C4orf51: variants seen among roughly 807,000 people sequenced by gnomAD.
C4orf51 encodes chromosome 4 open reading frame 51.
Under a neutral mutation model 25.2 loss-of-function variants are expected in C4orf51, and 25 were observed. That is an observed-to-expected ratio of 0.99 (90% CI 0.72 to 1.39). The LOEUF is 1.39. Ranked by LOEUF, C4orf51 falls within the 40% of genes most tolerant of loss-of-function variation. C4orf51 has a pLI of 0.00. For synonymous variants in C4orf51, 100 were observed against 84.5 expected, an observed-to-expected ratio of 1.18 and a Z score of -1.01; for missense variants, 252 against 239.6, an observed-to-expected ratio of 1.05 and a Z score of -0.34.
At chr4:145,734,824 G>A (rs995400203), downstream of C4orf51, among the ~76,000 whole-genome samples, 1 of 152,324 alleles carries the variant, frequency 6.6e-6, no homozygotes, top group South Asian at 2.1e-4. Context: ...TCCCCAGATA[G>A]GCATGGTCAA....
chr4:145,723,114 C>A (rs551870137), intron 2 of C4orf51, among the ~76,000 whole-genome samples: 1 of 152,082 alleles, frequency 6.6e-6, no homozygotes, highest in Non-Finnish European at 1.5e-5. Flanking sequence ...CCTGCCCCTG[C>A]CCACCCACCT....
chr4:145,745,874 CA>C (rs1287925699), intron 1 of C4orf51, among the ~76,000 whole-genome samples: 1 of 151,772 alleles, frequency 6.6e-6, no homozygotes, highest in Admixed American at 6.6e-5. Flanking sequence ...TCTACATCCT[CA>C]CCAGCATTTG....
At chr4:145,777,280 G>A in the C4orf51 span, among the ~76,000 whole-genome samples, 1 of 152,138 alleles carries the variant, frequency 6.6e-6, no homozygotes, top group East Asian at 1.9e-4. Context: ...GTTAAGTTTT[G>A]TTATTAAGGT....
At chr4:145,742,819 C>T (rs1305327817) in intron 1 of C4orf51, among the ~76,000 whole-genome samples, 1 of 152,148 alleles carries the variant, frequency 6.6e-6, no homozygotes, top group African/African-American at 2.4e-5. Flanking sequence ...GGATTGTAGG[C>T]GTGAGCCACC....
intron 2 of C4orf51, among the ~76,000 whole-genome samples, chr4:145,705,223 C>G (rs1041588588): frequency 1.1e-4 from 17 of 152,214 alleles, no homozygotes; most frequent in African/African-American, 4.1e-4. Context: ...TGAGCCCATT[C>G]ATCAAACTCC....
intron 1 of C4orf51, chr4:145,760,700 G>T: frequency 9.9e-7 from 1 of 1,011,080 alleles, no homozygotes; most frequent in Non-Finnish European, 1.2e-6. Flanking sequence ...CACCTGCTGG[G>T]GTTGTGTTTA....
intron 1 of C4orf51, among the ~76,000 whole-genome samples, chr4:145,739,729 A>G (rs1410226975): frequency 6.6e-6 from 1 of 152,230 alleles, no homozygotes; most frequent in South Asian, 2.1e-4. Flanking sequence ...TAATATCCAC[A>G]CTAAAGTGTT....
intron 1 of C4orf51, among the ~76,000 whole-genome samples, chr4:145,741,085 A>T (rs974120841): frequency 1.3e-5 from 2 of 152,146 alleles, no homozygotes; most frequent in Admixed American, 1.3e-4. Context: ...TCAGAAAAGG[A>T]TAGTTTGTCA....
rs558191982 is a variant in C4orf51 at position 145,761,152 on chromosome 4, G to A, written n.167-9836G>A. ...CCCCGGGCCGGCCGGTTCCTTGGGG[G>A]CTGGACACAGGCCCTTCTTGTCCTC... On this transcript the variant is annotated intron_variant and non_coding_transcript_variant, in intron 1 of 1. Coordinates refer to the C4orf51 transcript ENST00000510096. The surrounding 1 kb of genome is among the most constrained non-coding windows in gnomAD (Gnocchi z 6.8). 63 of 1,289,726 alleles carry A rather than the reference G, an allele frequency of 4.9e-5. No homozygotes were observed. The highest frequency in any genetic ancestry group is 6.1e-5 in the Non-Finnish European group (60 of 988,882). 79.9% of individuals were successfully genotyped at this position (1,289,726 alleles called of 1,614,324 possible).
the C4orf51 span, chr4:145,776,034 T>C: frequency 6.4e-7 from 1 of 1,552,930 alleles, no homozygotes; most frequent in African/African-American, 1.4e-5. Context: ...CAAGAATCAG[T>C]TAAAGGTATC....
chr4:145,783,224 T>C, the C4orf51 span, among the ~76,000 whole-genome samples: 16 of 152,332 alleles, frequency 1.1e-4, 1 homozygote, highest in East Asian at 3.1e-3. Context: ...CTCTGCTACA[T>C]AAGAGGTGCT....
the C4orf51 span, among the ~76,000 whole-genome samples, chr4:145,786,800 C>T: frequency 2.0e-5 from 3 of 152,138 alleles, no homozygotes; most frequent in Non-Finnish European, 4.4e-5. Context: ...GCTTGCAGCT[C>T]GTCTGTATCC....
chr4:145,766,415 C>T (rs1735300243), intron 1 of C4orf51, among the ~76,000 whole-genome samples: 1 of 152,152 alleles, frequency 6.6e-6, no homozygotes, highest in Non-Finnish European at 1.5e-5. Context: ...GGATGTTAGG[C>T]AATGAAGAAA....
In C4orf51 at chr4:145,732,768, ATCT is replaced by A; in HGVS notation, c.*210_*212del. The A allele has an allele frequency of 2.3e-6, 1 of 425,732 alleles. No individual in the cohort carries two copies. The highest frequency in any genetic ancestry group is 5.7e-5 in the South Asian group (1 of 17,682). 26.4% of individuals were successfully genotyped at this position (425,732 alleles called of 1,614,324 possible). A position where few individuals can be genotyped will look rare whatever the true frequency, so the allele number is the denominator to read the frequency against. On this transcript the variant is annotated 3_prime_UTR_variant, in exon 6 of 6. Coordinates refer to ENST00000438731, the MANE Select transcript of C4orf51 (RefSeq NM_001080531.3). ...GTGGAGAGAGACAAAAGTTTTTATAATCTTTATTAAATTTTCCTTTTTAAATAA... is the reference window on the plus strand; with the variant it reads ...GTGGAGAGAGACAAAAGTTTTTATAATTATTAAATTTTCCTTTTTAAATAA...
chr4:145,689,552 T>A (rs1391949378), intron 1 of C4orf51, among the ~76,000 whole-genome samples: 1 of 152,054 alleles, frequency 6.6e-6, no homozygotes, highest in African/African-American at 2.4e-5. Flanking sequence ...CCGATAAACA[T>A]ACCAAAGGTG....
intron 2 of C4orf51, among the ~76,000 whole-genome samples, chr4:145,698,153 C>G (rs1412442160): frequency 2.0e-5 from 3 of 152,036 alleles, no homozygotes; most frequent in African/African-American, 7.3e-5. Flanking sequence ...AAGTCATTTC[C>G]CATTTTTAAA....
chr4:145,698,735 C>T (rs1730240018), intron 2 of C4orf51, among the ~76,000 whole-genome samples: 1 of 152,108 alleles, frequency 6.6e-6, no homozygotes, highest in Non-Finnish European at 1.5e-5. Flanking sequence ...TGCCCTTGGC[C>T]AAGGGGAAGC....
the C4orf51 span, among the ~76,000 whole-genome samples, chr4:145,791,130 ATAAACCACAGAAATG>A: frequency 6.6e-6 from 1 of 152,256 alleles, no homozygotes; most frequent in Non-Finnish European, 1.5e-5. Context: ...TGGATGGCTT[ATAAACCACAGAAATG>A]TTTTTCTCAC....
chr4:145,765,692 G>A lies in C4orf51; in HGVS notation n.167-5296G>A. 1.2e-6 allele frequency: 2 copies of A among 1,614,154 alleles called. No homozygotes were observed. The highest frequency in any genetic ancestry group is 1.7e-6 in the Non-Finnish European group (2 of 1,180,010). On this transcript the variant is annotated intron_variant and non_coding_transcript_variant, in intron 1 of 1. Coordinates refer to the C4orf51 transcript ENST00000510096. The surrounding 1 kb of genome is among the most constrained non-coding windows in gnomAD (Gnocchi z 4.7). ...CTGAATCACTCAGAGCTGAGAGGGA[G>A]GATGAAGAGGGGCTATTTGATTCGC...
Sources: gnomAD v4.1 joint callset for allele counts (sites outside exome capture counted in the v4.1 genomes callset) on GRCh38, gnomAD v4.1.1 for gene constraint, Gnocchi (gnomAD v3.1) non-coding constraint, MANE v1.5 for transcripts, NCBI Gene and HGNC (gene_info 2026-07-23, HGNC 2026-07-21) for gene names.